The following SP140 variants were observed in gnomAD, a reference collection of about 807,000 sequenced individuals.
The protein encoded by SP140 is SP140 nuclear body protein.
Under a neutral mutation model 125.0 loss-of-function variants are expected in SP140, and 81 were observed. The observed-to-expected ratio is 0.65, with a 90% CI of 0.54 to 0.78. The LOEUF (loss-of-function observed/expected upper bound fraction) is 0.78, where lower values mean the gene tolerates loss of function less well. Ranked by LOEUF, SP140 falls within the 30% of genes least tolerant of loss-of-function variation. The pLI, the probability that SP140 is intolerant of heterozygous loss-of-function variation, is 0.00. For synonymous variants in SP140, 312 were observed against 354.0 expected (o/e 0.88, Z 1.33); for missense variants, 858 against 1,037.0 (o/e 0.83, Z 2.37).
the SP140 span, among the ~76,000 whole-genome samples, chr2:230,189,612 C>G: frequency 6.6e-6 from 1 of 152,084 alleles, no homozygotes; most frequent in Non-Finnish European, 1.5e-5. Flanking sequence ...ACGTGCAGAA[C>G]ATGCAGGTTT....
chr2:230,243,052 C>T (rs965569149), intron 4 of SP140, among the ~76,000 whole-genome samples: 14 of 152,206 alleles, frequency 9.2e-5, no homozygotes, highest in African/African-American at 3.1e-4. Flanking sequence ...AAGGCATCCA[C>T]AATGAGCCAC....
At chr2:230,283,101 C>T (rs1016994748) in intron 15 of SP140, among the ~76,000 whole-genome samples, 2 of 152,134 alleles carry the variant, frequency 1.3e-5, no homozygotes, top group Non-Finnish European at 2.9e-5. Flanking sequence ...GAAGCTGGGC[C>T]CAGCCCCTGC....
At chr2:230,226,089 G>A (rs576042849) in intron 1 of SP140, among the ~76,000 whole-genome samples, 186 bp downstream of exon 1, 38 of 152,272 alleles carry the variant, frequency 2.5e-4, no homozygotes, top group African/African-American at 7.0e-4. Context: ...CAAGGATGCC[G>A]TGACTCACAT....
chr2:230,249,400 G>A (rs183849955), intron 9 of SP140, among the ~76,000 whole-genome samples: 1 of 152,276 alleles, frequency 6.6e-6, no homozygotes, highest in African/African-American at 2.4e-5. Flanking sequence ...AAGTCATGCA[G>A]GAGACCCTTG....
At chr2:230,257,499 G>A (rs1575058903) in intron 12 of SP140, among the ~76,000 whole-genome samples, 1 of 152,160 alleles carries the variant, frequency 6.6e-6, no homozygotes, top group African/African-American at 2.4e-5. Flanking sequence ...GGGTGCAGTG[G>A]GTCACCCCTG....
chr2:230,252,662 A>T (rs1261443394), intron 10 of SP140, among the ~76,000 whole-genome samples: 2 of 152,208 alleles, frequency 1.3e-5, no homozygotes, highest in African/African-American at 2.4e-5. Context: ...ACAAACTCTT[A>T]AACATCTGTA....
At position 230,211,629 on chromosome 2, in the gene SP140, C is replaced by G. The variant is rs1206827250; in HGVS notation, c.-322-2025C>G. The stretch of plus-strand genomic sequence containing the variant: ...CAGAATGAGGAGAAAAGAGAATGCT[C>G]TATTCCAACAAGTAAAAATGACGGG... On this transcript the variant is annotated intron_variant, in intron 1 of 4. Transcript: ENST00000456542. This position sits in a 1 kb window ranked among gnomAD's most constrained non-coding sequence, Gnocchi z 4.2. 2.2e-6 allele frequency: 2 copies of G among 906,224 alleles called. No individual in the cohort carries two copies. Among genetic ancestry groups the G allele is most frequent in the African/African-American group, 1.6e-5 (1 of 61,480 alleles). The allele number at this position is 906,224 out of a possible 1,614,324, so 56.1% of individuals were successfully genotyped here.
At chr2:230,312,537 A>C in intron 26 of SP140, 49 bp from the exon 27 acceptor site, 5 of 1,269,024 alleles carry the variant, frequency 3.9e-6, no homozygotes, top group Non-Finnish European at 5.7e-6. Flanking sequence ...AAGGTGTCTC[A>C]TGACGCTAAT....
At chr2:230,244,885 G>A (rs1391252064) in intron 5 of SP140, 103 bp from the exon 6 acceptor site, 5 of 765,976 alleles carry the variant, frequency 6.5e-6, no homozygotes, top group East Asian at 2.6e-5. Context: ...TGGAGCAATA[G>A]TGTTTTTTTG....
intron 15 of SP140, among the ~76,000 whole-genome samples, chr2:230,278,629 A>G (rs1416258976): frequency 1.3e-5 from 2 of 152,152 alleles, no homozygotes; most frequent in South Asian, 4.1e-4. Context: ...TTATGGTTTT[A>G]TATTTGACAT....
chr2:230,251,586 G>A (rs547818795), intron 10 of SP140, among the ~76,000 whole-genome samples: 17 of 151,978 alleles, frequency 1.1e-4, no homozygotes, highest in Non-Finnish European at 2.1e-4. Context: ...TTTTCTATGG[G>A]AATGAAAAAG....
intron 9 of SP140, among the ~76,000 whole-genome samples, chr2:230,249,172 G>T (rs2049969671): frequency 6.6e-6 from 1 of 152,082 alleles, no homozygotes; most frequent in African/African-American, 2.4e-5. Flanking sequence ...CCCTGAGTGG[G>T]GACCATATTT....
intron 11 of SP140, among the ~76,000 whole-genome samples, chr2:230,254,218 C>G: frequency 6.6e-6 from 1 of 152,138 alleles, no homozygotes; most frequent in East Asian, 1.9e-4. Context: ...ATGAAGAGTG[C>G]AAACTATGTC....
At chr2:230,243,351 A>G (rs980591441) in intron 4 of SP140, among the ~76,000 whole-genome samples, 2 of 152,348 alleles carry the variant, frequency 1.3e-5, no homozygotes, top group African/African-American at 4.8e-5. Context: ...AAAGAGCAGT[A>G]TCAGAGAAAG....
At chr2:230,246,083 A>G (rs1168278501) in intron 7 of SP140, 143 bp downstream of exon 7, 1 of 617,446 alleles carries the variant, frequency 1.6e-6, no homozygotes, top group Non-Finnish European at 3.0e-6. Context: ...CCATCCATAT[A>G]TCCATCCATC....
At chr2:230,303,057 G>A (rs2058438777) in intron 22 of SP140, among the ~76,000 whole-genome samples, 1 of 151,824 alleles carries the variant, frequency 6.6e-6, no homozygotes, top group Non-Finnish European at 1.5e-5. Flanking sequence ...AAATAACAAA[G>A]ATCAGAGAAG....
intron 3 of SP140, among the ~76,000 whole-genome samples, chr2:230,217,407 A>G (rs2045336171): frequency 6.6e-6 from 1 of 152,164 alleles, no homozygotes; most frequent in Admixed American, 6.5e-5. Context: ...TATAGGAAAC[A>G]AGGACAATTC....
chr2:230,212,858 G>T (rs1228083026), intron 1 of SP140: 1 of 1,613,996 alleles, frequency 6.2e-7, no homozygotes, highest in Non-Finnish European at 8.5e-7. Context: ...TTTGCTGGGA[G>T]GATGTTCCAG....
intron 19 of SP140, among the ~76,000 whole-genome samples, chr2:230,291,027 C>A (rs566725251): frequency 6.6e-6 from 1 of 152,086 alleles, no homozygotes; most frequent in Non-Finnish European, 1.5e-5. Flanking sequence ...AGAAGGGAAC[C>A]TTTCTGAACC....
Sources: allele counts gnomAD v4.1 joint callset (sites outside exome capture counted in the v4.1 genomes callset), GRCh38; gene constraint gnomAD v4.1.1; non-coding constraint Gnocchi (gnomAD v3.1); transcripts MANE v1.5; gene names NCBI Gene and HGNC (gene_info 2026-07-23, HGNC 2026-07-21).